The following P2RY14 variants were observed in gnomAD, a reference collection of about 807,000 sequenced individuals.
P2RY14 encodes the protein purinergic receptor P2Y14.
In P2RY14, 2 loss-of-function variants were observed where a neutral mutation model predicts 0.9. That is an observed-to-expected ratio of 2.16 (90% CI 0.88 to 6.79). The LOEUF is 6.79. Ranked by LOEUF, P2RY14 falls within the 30% of genes most tolerant of loss-of-function variation. The probability of loss-of-function intolerance (pLI) is 0.05; values close to 1 mark genes in which losing one functional copy is unlikely to be tolerated. For missense variants in P2RY14, 378 were observed against 400.1 expected (o/e 0.94, Z 0.47); for synonymous variants, 158 against 147.2 (o/e 1.07, Z -0.53).
intron 1 of P2RY14, among the ~76,000 whole-genome samples, chr3:151,243,724 C>T (rs1045985532): frequency 1.3e-5 from 2 of 151,912 alleles, no homozygotes; most frequent in African/African-American, 4.8e-5. Context: ...AGCAAAATAA[C>T]CAGCTAACAT....
intron 1 of P2RY14, among the ~76,000 whole-genome samples, chr3:151,243,080 G>C (rs1734559082): frequency 6.6e-6 from 1 of 151,050 alleles, no homozygotes; most frequent in Admixed American, 6.6e-5. Flanking sequence ...AGAATAAAAA[G>C]AAATGAGCAA....
intron 1 of P2RY14, among the ~76,000 whole-genome samples, chr3:151,245,041 C>T (rs1735098027): frequency 6.6e-6 from 1 of 152,134 alleles, no homozygotes; most frequent in South Asian, 2.1e-4. Context: ...AATTCCTTGA[C>T]ACATACACTC....
chr3:151,224,728 C>T (rs1730140361), intron 1 of P2RY14, among the ~76,000 whole-genome samples: 1 of 152,302 alleles, frequency 6.6e-6, no homozygotes, highest in Non-Finnish European at 1.5e-5. Flanking sequence ...CACCACACTT[C>T]TCAGAAGCTG....
chr3:151,262,298 A>G (rs1337635171), intron 1 of P2RY14, among the ~76,000 whole-genome samples: 1 of 152,230 alleles, frequency 6.6e-6, no homozygotes, highest in Non-Finnish European at 1.5e-5. Flanking sequence ...GGATTTGAGA[A>G]TTTGATTATT....
intron 1 of P2RY14, among the ~76,000 whole-genome samples, chr3:151,255,750 T>C (rs1737698457): frequency 6.6e-6 from 1 of 152,298 alleles, no homozygotes; most frequent in Non-Finnish European, 1.5e-5. Flanking sequence ...TTAGATTAAT[T>C]GTGATTCTTT....
At chr3:151,246,247 C>A (rs1735435942) in intron 1 of P2RY14, among the ~76,000 whole-genome samples, 1 of 152,296 alleles carries the variant, frequency 6.6e-6, no homozygotes, top group African/African-American at 2.4e-5. Context: ...CAATGCCTTT[C>A]TTCACAGAAT....
rs140551771 is a variant in P2RY14 at position 151,214,298 on chromosome 3, T to G, written c.19A>C (p.Thr7Pro). ...GAGCAGGATTCATCTGGAGGCTGTG[T>G]GGAGGTTGAATTGATCATCTTGTAA... MINSTS[T>P]QPPDESCSQN... Residue 7 changes from threonine to proline, a missense_variant, in exon 3 of 3, where the codon ACA becomes CCA. Transcript: ENST00000309170. 71 of 1,613,346 alleles carry G rather than the reference T, an allele frequency of 4.4e-5. 1 individual carries two copies. The African/African-American group carries it at 8.9e-4, about 20-fold the overall frequency.
chr3:151,238,335 C>T (rs1019216670), intron 1 of P2RY14, among the ~76,000 whole-genome samples: 20 of 151,954 alleles, frequency 1.3e-4, no homozygotes, highest in East Asian at 3.9e-4. Context: ...TTAGTAGAGA[C>T]GGGGTTTCAC....
intron 1 of P2RY14, among the ~76,000 whole-genome samples, chr3:151,259,121 T>C (rs1185863214): frequency 6.6e-6 from 1 of 152,198 alleles, no homozygotes; most frequent in Non-Finnish European, 1.5e-5. Flanking sequence ...TTTTAACACA[T>C]GGACTGAAAG....
chr3:151,227,290 A>G (rs915141796), intron 1 of P2RY14, among the ~76,000 whole-genome samples: 6 of 152,320 alleles, frequency 3.9e-5, no homozygotes, highest in Admixed American at 2.0e-4. Context: ...CCACCAAAGC[A>G]TAAATTCGGC....
At chr3:151,230,080 C>T (rs1044207993) in intron 1 of P2RY14, among the ~76,000 whole-genome samples, 2 of 152,140 alleles carry the variant, frequency 1.3e-5, no homozygotes, top group African/African-American at 4.8e-5. Flanking sequence ...CGCCATTCTC[C>T]CGCCTCTGCC....
chr3:151,233,600 G>A (rs561240793), intron 1 of P2RY14, among the ~76,000 whole-genome samples: 1 of 152,286 alleles, frequency 6.6e-6, no homozygotes, highest in African/African-American at 2.4e-5. Flanking sequence ...GGGCGTGGTG[G>A]CAGGTGTCTG....
At chr3:151,273,858 A>G (rs952378273) in intron 1 of P2RY14, among the ~76,000 whole-genome samples, 1 of 152,234 alleles carries the variant, frequency 6.6e-6, no homozygotes, top group Non-Finnish European at 1.5e-5. Flanking sequence ...GTTGTTTTCA[A>G]ATCATATTTA....
In P2RY14 at chr3:151,260,960, C is replaced by T. The variant is rs1296885127; in HGVS notation, c.-133+17327G>A. ...GTTTCCATCTCCCCAGACTGATTTC[C>T]TTGATGGTGTGGATGTGTATGGTGT... On this transcript the variant is annotated intron_variant, in intron 1 of 2. Transcript: ENST00000309170. Among the ~76,000 whole-genome samples, 4 of 151,984 alleles carry T rather than the reference C, an allele frequency of 2.6e-5. No individual in the cohort carries two copies. In the East Asian group the frequency reaches 7.7e-4, roughly 29 times the overall value.
At chr3:151,238,121 C>G (rs1319372719) in intron 1 of P2RY14, among the ~76,000 whole-genome samples, 2 of 149,744 alleles carry the variant, frequency 1.3e-5, no homozygotes, top group Non-Finnish European at 3.0e-5. Context: ...AAGTTTAGAA[C>G]AGTGCACATT....
At chr3:151,241,652 T>G (rs1734109727) in intron 1 of P2RY14, 1 of 152,206 alleles carries the variant, frequency 6.6e-6, no homozygotes, top group African/African-American at 2.4e-5. Context: ...GGATATTTTA[T>G]ATATGTATAT....
chr3:151,220,242 G>A (rs375886624), intron 1 of P2RY14, among the ~76,000 whole-genome samples: 1 of 151,640 alleles, frequency 6.6e-6, no homozygotes, highest in Non-Finnish European at 1.5e-5. Flanking sequence ...TGAGACTAAT[G>A]TGTGGACTTT....
chr3:151,213,659 A>C lies in P2RY14; in HGVS notation c.658T>G (p.Ser220Ala), dbSNP rs776647428. Reference protein sequence around the residue: ...TKKIFKSHLKSSRNSTSVKKK... With the variant: ...TKKIFKSHLKASRNSTSVKKK... ...TTGACCGAAGTGGAATTCCGACTTG[A>C]CTTAAGGTGGGACTTAAAGATTTTC... The change falls in exon 3 of 3, where the codon TCA becomes GCA. Residue 220 changes from serine (S) to alanine (A), a missense_variant. Coordinates refer to ENST00000309170, the MANE Select transcript of P2RY14 (RefSeq NM_014879.4). 2 of 1,614,200 alleles carry C rather than the reference A, an allele frequency of 1.2e-6. No individual in the cohort carries two copies. The highest frequency in any genetic ancestry group is 4.5e-5 in the East Asian group (2 of 44,892).
chr3:151,212,444 G>A lies in P2RY14; in HGVS notation c.*856C>T, dbSNP rs182908055. 19 of 152,028 alleles carry A rather than the reference G, an allele frequency of 1.2e-4. No individual in the cohort carries two copies. The highest frequency in any genetic ancestry group is 1.0e-3 in the Admixed American group (16 of 15,280). The allele number at this position is 152,028 out of a possible 1,614,324, so 9.4% of individuals were successfully genotyped here. ...AAGAAAATGGTCTCCTTTCCCATTC[G>A]CCAGTAGATTAATATATGTTCTACG... On this transcript the variant is annotated 3_prime_UTR_variant, in exon 3 of 3. Transcript: ENST00000309170.
Sources: gnomAD v4.1 joint callset for allele counts (sites outside exome capture counted in the v4.1 genomes callset) on GRCh38, gnomAD v4.1.1 for gene constraint, MANE v1.5 for transcripts, NCBI Gene and HGNC (gene_info 2026-07-23, HGNC 2026-07-21) for gene names.